CHIC2: variants seen among roughly 807,000 people sequenced by gnomAD.
CHIC2 encodes cysteine rich hydrophobic domain 2, also known as cysteine-rich hydrophobic domain-containing protein 2.
CHIC2 carries 14 observed loss-of-function variants against 25.9 expected under a neutral mutation model. The observed-to-expected ratio is 0.54, with a 90% confidence interval of 0.36 to 0.85. The LOEUF is 0.85. CHIC2 is among the 40% of genes least tolerant of loss of function. The pLI, the probability that CHIC2 is intolerant of heterozygous loss-of-function variation, is 0.01. For missense variants in CHIC2, 146 were observed against 202.0 expected (o/e 0.72, Z 1.68); for synonymous variants, 70 against 72.0 (o/e 0.97, Z 0.14).
chr4:54,069,762 T>C, the CHIC2 span, among the ~76,000 whole-genome samples: 1 of 152,204 alleles, frequency 6.6e-6, no homozygotes, highest in South Asian at 2.1e-4. Flanking sequence ...TTTCCTGATA[T>C]CACACAGCCC....
intron 3 of CHIC2, among the ~76,000 whole-genome samples, chr4:54,037,944 G>A (rs1268940117): frequency 2.0e-5 from 3 of 151,816 alleles, no homozygotes. Flanking sequence ...AAAAAGAAAA[G>A]ACAAATCAAT....
At position 54,049,242 on chromosome 4, in the gene CHIC2, G is replaced by A. The variant is rs200010654; in HGVS notation, c.174+9C>T. ...AGGCATACAAATAGTACATAAATGA[G>A]ACACTCACTTTTCCAGTTAATGAAG... On this transcript the variant is annotated intron_variant, in intron 2 of 5. Transcript: ENST00000263921. The A allele has an allele frequency of 4.1e-4, 657 of 1,599,208 alleles. No homozygotes were observed. Among genetic ancestry groups the A allele is most frequent in the Non-Finnish European group, 5.2e-4 (610 of 1,170,902 alleles).
chr4:54,091,315 TGCGCCCGTAGC>T, the CHIC2 span, among the ~76,000 whole-genome samples: 19 of 152,270 alleles, frequency 1.2e-4, no homozygotes, highest in African/African-American at 4.3e-4. Flanking sequence ...GGCACTGGGC[TGCGCCCGTAGC>T]GCACCCCACC....
intron 3 of CHIC2, among the ~76,000 whole-genome samples, chr4:54,022,327 C>G (rs575975932): frequency 1.3e-5 from 2 of 152,242 alleles, no homozygotes; most frequent in South Asian, 4.1e-4. Flanking sequence ...ATCACAGACG[C>G]TCTGGGTAAC....
At chr4:54,070,946 G>A in the CHIC2 span, among the ~76,000 whole-genome samples, 8 of 152,170 alleles carry the variant, frequency 5.3e-5, no homozygotes, top group African/African-American at 1.7e-4. Flanking sequence ...TTCAGGTTGT[G>A]CCCCAACCTT....
chr4:54,038,361 T>C (rs1012953182), intron 3 of CHIC2, among the ~76,000 whole-genome samples: 1 of 152,094 alleles, frequency 6.6e-6, no homozygotes, highest in Non-Finnish European at 1.5e-5. Context: ...TAAAAAACAA[T>C]ACCATTTACA....
the CHIC2 span, chr4:54,087,717 T>C: frequency 1.9e-6 from 1 of 529,868 alleles, no homozygotes; most frequent in Non-Finnish European, 3.4e-6. Flanking sequence ...TGGCAAAGAA[T>C]TCTGCATCTC....
At chr4:54,040,859 C>G (rs1180727147) in intron 3 of CHIC2, among the ~76,000 whole-genome samples, 1 of 150,746 alleles carries the variant, frequency 6.6e-6, no homozygotes, top group Non-Finnish European at 1.5e-5. Context: ...GCCTGGATGA[C>G]AAGAGTAAAA....
chr4:54,050,979 T>C (rs1464091711), intron 1 of CHIC2, among the ~76,000 whole-genome samples: 2 of 152,136 alleles, frequency 1.3e-5, no homozygotes, highest in African/African-American at 4.8e-5. Context: ...TAAAGAACTT[T>C]ACCTCCTGCA....
upstream of CHIC2, among the ~76,000 whole-genome samples, chr4:54,068,563 A>G (rs545391078): frequency 2.0e-4 from 31 of 152,360 alleles, no homozygotes; most frequent in South Asian, 3.7e-3. Context: ...GGACTAAGAC[A>G]CAGTCTATGG....
At chr4:54,080,543 A>G in the CHIC2 span, among the ~76,000 whole-genome samples, 1 of 151,934 alleles carries the variant, frequency 6.6e-6, no homozygotes, top group African/African-American at 2.4e-5. Context: ...AGGCAGGTGG[A>G]TCATCTGAAA....
rs1338194755 is a variant in CHIC2, at chr4:54,046,487, A to T, written c.330+2468T>A. Among the ~76,000 whole-genome samples the T allele has an allele frequency of 2.2e-4, 34 of 152,208 alleles. No individual in the cohort carries two copies. In the East Asian group the frequency reaches 4.4e-3, roughly 20 times the overall value. ...TGGAACAGAACAGAGCCCTCAGAAA[A>T]AATGCCACATATCTACAACTATCTG... is the stretch of plus-strand genomic sequence containing the variant. On this transcript the variant is annotated intron_variant, in intron 3 of 5. Transcript: ENST00000263921.
chr4:54,070,830 A>T, the CHIC2 span, among the ~76,000 whole-genome samples: 1 of 151,986 alleles, frequency 6.6e-6, no homozygotes, highest in Non-Finnish European at 1.5e-5. Context: ...CTGTAACAAC[A>T]CTCTCAGGAT....
At chr4:54,035,975 T>C (rs1259638005) in intron 3 of CHIC2, among the ~76,000 whole-genome samples, 1 of 152,232 alleles carries the variant, frequency 6.6e-6, no homozygotes, top group Non-Finnish European at 1.5e-5. Flanking sequence ...TAGAAGCATT[T>C]TATTTAGCTT....
At chr4:54,028,994 G>A (rs1483999590) in intron 3 of CHIC2, among the ~76,000 whole-genome samples, 1 of 152,054 alleles carries the variant, frequency 6.6e-6, no homozygotes, top group Non-Finnish European at 1.5e-5. Flanking sequence ...GTGGTGGTGT[G>A]CACCTATAGC....
At chr4:54,074,908 G>A in the CHIC2 span, among the ~76,000 whole-genome samples, 3 of 152,130 alleles carry the variant, frequency 2.0e-5, no homozygotes, top group Non-Finnish European at 4.4e-5. Flanking sequence ...AGGAGTTCAA[G>A]ACCAGCCTGG....
chr4:54,040,791 T>C (rs2110078282), intron 3 of CHIC2, among the ~76,000 whole-genome samples: 1 of 148,382 alleles, frequency 6.7e-6, no homozygotes, highest in South Asian at 2.2e-4. Context: ...GGCAGGAGAA[T>C]TGCTTGAACC....
At chr4:54,016,036 T>C (rs1715728815) in intron 3 of CHIC2, among the ~76,000 whole-genome samples, 1 of 152,226 alleles carries the variant, frequency 6.6e-6, no homozygotes, top group South Asian at 2.1e-4. Flanking sequence ...ATCTACCTTG[T>C]AATCTTTCTT....
the CHIC2 span, among the ~76,000 whole-genome samples, chr4:54,072,693 C>T: frequency 2.5e-4 from 38 of 152,226 alleles, no homozygotes; most frequent in African/African-American, 7.5e-4. Flanking sequence ...TCATTCAATA[C>T]GTCTTCATCT....
Sources: gnomAD v4.1 joint callset for allele counts (sites outside exome capture counted in the v4.1 genomes callset) on GRCh38, gnomAD v4.1.1 for gene constraint, MANE v1.5 for transcripts, NCBI Gene and HGNC (gene_info 2026-07-23, HGNC 2026-07-21) for gene names.